CR1: variants seen among roughly 807,000 people sequenced by gnomAD.
CR1 encodes complement C3b/C4b receptor 1 (Knops blood group).
Under a neutral mutation model 187.3 loss-of-function variants are expected in CR1, and 116 were observed. That is an observed-to-expected ratio of 0.62 (90% CI 0.53 to 0.72). The LOEUF is 0.72. Among genes scored for constraint, CR1 ranks in the 30% least tolerant of loss-of-function variants. CR1 has a pLI of 0.00. For synonymous variants in CR1, 576 were observed against 747.1 expected (o/e 0.77, Z 3.73); for missense variants, 1,731 against 2,110.7 (o/e 0.82, Z 3.52).
intron 46 of CR1, among the ~76,000 whole-genome samples, chr1:207,639,055 C>T (rs1041389182): frequency 6.6e-6 from 1 of 152,222 alleles, no homozygotes. Flanking sequence ...CAGTTTGTTG[C>T]GGGGCCTGAG....
intron 41 of CR1, 125 bp downstream of exon 41, chr1:207,616,927 C>G: frequency 7.4e-7 from 1 of 1,347,476 alleles, no homozygotes; most frequent in Non-Finnish European, 1.0e-6. Context: ...AGAGACAGAA[C>G]TACCTCCCAA....
intron 4 of CR1, among the ~76,000 whole-genome samples, chr1:207,514,820 T>C (rs1280164244): frequency 6.6e-6 from 1 of 152,048 alleles, no homozygotes; most frequent in Non-Finnish European, 1.5e-5. Context: ...TAGTGTTTCA[T>C]ATATTTGTTT....
intron 24 of CR1, among the ~76,000 whole-genome samples, chr1:207,567,378 C>G (rs1242678160): frequency 6.7e-6 from 1 of 149,318 alleles, no homozygotes; most frequent in Non-Finnish European, 1.5e-5. Context: ...AAAGGTTTCA[C>G]CTATTTAAGA....
At chr1:207,637,037 G>A (rs1571627456) in intron 46 of CR1, among the ~76,000 whole-genome samples, 1 of 152,170 alleles carries the variant, frequency 6.6e-6, no homozygotes, top group Non-Finnish European at 1.5e-5. Flanking sequence ...AATAGCTTAC[G>A]ATCTCGTTTC....
chr1:207,514,853 T>C (rs1174362241), intron 4 of CR1, among the ~76,000 whole-genome samples: 1 of 151,778 alleles, frequency 6.6e-6, no homozygotes, highest in African/African-American at 2.4e-5. Flanking sequence ...TTATATAAGA[T>C]TGGCATTATT....
chr1:207,578,718 GT>G (rs1335968388), intron 29 of CR1, among the ~76,000 whole-genome samples: 1 of 152,240 alleles, frequency 6.6e-6, no homozygotes, highest in African/African-American at 2.4e-5. Flanking sequence ...GAGTCTGAAT[GT>G]TTTGGCTCTT....
chr1:207,523,490 T>C, intron 4 of CR1, 121 bp from the exon 5 acceptor site: 2 of 1,494,620 alleles, frequency 1.3e-6, no homozygotes, highest in South Asian at 1.3e-5. Context: ...TGTACCTATG[T>C]GTTAGCAAAG....
In CR1 at chr1:207,630,524, G is replaced by C; in HGVS notation, c.7360G>C (p.Ala2454Pro). 1 of 1,598,154 alleles carries C rather than the reference G, an allele frequency of 6.3e-7. No individual in the cohort carries two copies. Among genetic ancestry groups the C allele is most frequent in the African/African-American group, 1.3e-5 (1 of 74,224 alleles). ...TTTTTCTCTGCCAATTAGCAATAAT[G>C]CACATGAAAACCCTAAAGAAGTGGC... ...IILKHRKGNN[A>P]HENPKEVAIH... The change falls in exon 46 of 47, where the codon GCA becomes CCA. Residue 2454 changes from alanine to proline, a missense_variant. Ala to Pro is a conservative substitution (Grantham distance 27). Transcript: ENST00000367049.
intron 46 of CR1, among the ~76,000 whole-genome samples, chr1:207,634,820 C>T (rs1662763959): frequency 6.6e-6 from 1 of 152,186 alleles, no homozygotes; most frequent in African/African-American, 2.4e-5. Flanking sequence ...TGACCAGTTC[C>T]TATTTCTGTC....
chr1:207,509,609 T>C (rs1444202234), intron 3 of CR1, among the ~76,000 whole-genome samples: 6 of 152,200 alleles, frequency 3.9e-5, no homozygotes, highest in Admixed American at 3.9e-4. Flanking sequence ...TGTTCAGTAT[T>C]ACAACACTGA....
At chr1:207,617,507 A>ATATATGTGTGTG (rs1332301171) in intron 41 of CR1, among the ~76,000 whole-genome samples, 2 of 47,022 alleles carry the variant, frequency 4.3e-5, no homozygotes, top group Non-Finnish European at 9.7e-5. Flanking sequence ...ATATATATAT[A>ATATATGTGTGTG]TGTGTGTGTG....
intron 31 of CR1, among the ~76,000 whole-genome samples, chr1:207,581,520 G>A (rs1034558203): frequency 8.8e-5 from 13 of 147,336 alleles, no homozygotes; most frequent in Non-Finnish European, 7.4e-5. Context: ...AATATTCTAG[G>A]GGTTGTTAAG....
intron 46 of CR1, among the ~76,000 whole-genome samples, chr1:207,634,265 C>T (rs565257644): frequency 9.9e-5 from 15 of 152,262 alleles, no homozygotes; most frequent in African/African-American, 3.6e-4. Context: ...CAAAGTACAC[C>T]TCAAATTGTG....
rs779758291 is a variant in CR1 at position 207,506,801 on chromosome 1, C to T, written c.389C>T (p.Ser130Phe). The T allele has an allele frequency of 1.9e-6, 3 of 1,612,762 alleles. No individual in the cohort carries two copies. Among genetic ancestry groups the T allele is most frequent in the African/African-American group, 1.3e-5 (1 of 74,996 alleles). ...GIQFGSQIKY[S>F]CTKGYRLIGS... ...CAGTTCGGATCCCAAATTAAATATT[C>T]TTGTACTAAAGGGTGAGTTGGCATC... The change falls in exon 3 of 47, where the codon TCT (serine) becomes TTT (phenylalanine). Residue 130 changes from serine (S) to phenylalanine (F), a missense_variant. This residue lies in a region of CR1 where 237 missense variants were observed against 240.4 expected (regional missense o/e 0.99). Coordinates refer to ENST00000367049, the MANE Select transcript of CR1 (RefSeq NM_000651.6).
Position 207,496,200 on chromosome 1 carries a change from G to T in CR1, c.-68G>T. On this transcript the variant is annotated 5_prime_UTR_variant, in exon 1 of 47. Coordinates refer to ENST00000367049, the MANE Select transcript of CR1 (RefSeq NM_000651.6). ...ACAATGATTGGTCACTCCTATTTTC[G>T]CTGAGCTTTTCCTCTTATTTCAGTT... 5 of 1,611,888 alleles carry T rather than the reference G, an allele frequency of 3.1e-6. No homozygotes were observed. The highest frequency in any genetic ancestry group is 4.2e-6 in the Non-Finnish European group (5 of 1,179,292).
chr1:207,617,612 TAGAGAGAGAGAGAGAGAGAG>T lies in CR1; in HGVS notation c.6890-427_6890-408del, dbSNP rs1156448710. On this transcript the variant is annotated intron_variant, in intron 41 of 46. Transcript: ENST00000367049. ...ATATATATATATATATATATATATA[TAGAGAGAGAGAGAGAGAGAG>T]AGAGAGAGAGAGAGAGAGAGAGAGA... Among the ~76,000 whole-genome samples the T allele has an allele frequency of 9.4e-3, 208 of 22,028 alleles. 2 individuals are homozygous for T. The highest frequency in any genetic ancestry group is 0.019 in the African/African-American group (111 of 5,742). 14.5% of individuals were successfully genotyped at this position (22,028 alleles called of 152,430 possible). A position where few individuals can be genotyped will look rare whatever the true frequency, so the allele number is the denominator to read the frequency against.
chr1:207,519,429 A>C (rs1226405470), intron 4 of CR1, among the ~76,000 whole-genome samples: 1 of 152,032 alleles, frequency 6.6e-6, no homozygotes, highest in Admixed American at 6.6e-5. Context: ...TATTTTTATT[A>C]TTCTATTTCC....
intron 28 of CR1, 41 bp from the exon 29 acceptor site, chr1:207,577,764 C>T: frequency 6.2e-7 from 1 of 1,610,414 alleles, no homozygotes; most frequent in Non-Finnish European, 8.5e-7. Flanking sequence ...AAGACTCTGT[C>T]CCAAGGTTTT....
At chr1:207,586,124 TTGTGTG>T (rs3219612) in intron 33 of CR1, among the ~76,000 whole-genome samples, 1 of 150,038 alleles carries the variant, frequency 6.7e-6, no homozygotes, top group Non-Finnish European at 1.5e-5. Context: ...TTGTTTTGTT[TTGTGTG>T]TGTGTGTGTG....
Sources: gnomAD v4.1 joint callset for allele counts (sites outside exome capture counted in the v4.1 genomes callset) on GRCh38, gnomAD v4.1.1 for gene constraint, gnomAD v4.1.1 regional missense constraint, MANE v1.5 for transcripts, NCBI Gene and HGNC (gene_info 2026-07-23, HGNC 2026-07-21) for gene names.